MEGF11: variants seen among roughly 807,000 people sequenced by gnomAD.
MEGF11 encodes multiple EGF like domains 11.
A neutral mutation model predicts 146.6 loss-of-function variants in MEGF11; 126 were observed. The ratio of observed to expected loss-of-function variants is 0.86; its 90% CI spans 0.74 to 1.00. MEGF11 has a LOEUF of 1.00. MEGF11 is among the 50% of genes least tolerant of loss of function. The pLI is 0.00. For missense variants in MEGF11, 1,509 were observed against 1,521.2 expected, an observed-to-expected ratio of 0.99 and a Z score of 0.13; for synonymous variants, 532 against 583.4, an observed-to-expected ratio of 0.91 and a Z score of 1.27.
At chr15:65,972,838 A>C (rs544982383) in intron 7 of MEGF11, among the ~76,000 whole-genome samples, 4 of 152,334 alleles carry the variant, frequency 2.6e-5, no homozygotes, top group East Asian at 3.9e-4. Context: ...AGAATTACTC[A>C]AGAAAGCTGG....
At chr15:66,095,074 T>A (rs1414334141) in intron 4 of MEGF11, among the ~76,000 whole-genome samples, 1 of 152,144 alleles carries the variant, frequency 6.6e-6, no homozygotes, top group Non-Finnish European at 1.5e-5. Flanking sequence ...AGAAAGTAAT[T>A]AAGAGAGACA....
At chr15:66,089,111 C>A (rs1368301386) in intron 5 of MEGF11, among the ~76,000 whole-genome samples, 1 of 152,350 alleles carries the variant, frequency 6.6e-6, no homozygotes, top group Admixed American at 6.5e-5. Context: ...TATTTCTGAG[C>A]TGGTTAACAT....
intron 13 of MEGF11, among the ~76,000 whole-genome samples, chr15:65,925,035 C>A (rs534084375): frequency 3.9e-4 from 60 of 152,264 alleles, no homozygotes; most frequent in Non-Finnish European, 7.8e-4. Flanking sequence ...CACAGGGCCT[C>A]CAATTCCACT....
At chr15:66,231,412 C>T (rs1452282125) in intron 1 of MEGF11, among the ~76,000 whole-genome samples, 3 of 150,844 alleles carry the variant, frequency 2.0e-5, no homozygotes, top group South Asian at 4.2e-4. Flanking sequence ...GGGGTCAGAA[C>T]GGAAGTTGTC....
intron 1 of MEGF11, among the ~76,000 whole-genome samples, chr15:66,147,956 TGGAGCCATGCATG>T (rs1259624641): frequency 2.6e-5 from 4 of 152,192 alleles, no homozygotes; most frequent in Non-Finnish European, 5.9e-5. Flanking sequence ...ATGGACGATT[TGGAGCCATGCATG>T]GGAGCCATGC....
At chr15:66,183,254 C>T (rs1442427535) in intron 1 of MEGF11, among the ~76,000 whole-genome samples, 1 of 152,100 alleles carries the variant, frequency 6.6e-6, no homozygotes, top group African/African-American at 2.4e-5. Context: ...AATCCCAGCA[C>T]TTTGGGAGGC....
At chr15:66,138,859 C>T (rs1400934302) in intron 1 of MEGF11, among the ~76,000 whole-genome samples, 1 of 152,184 alleles carries the variant, frequency 6.6e-6, no homozygotes, top group Non-Finnish European at 1.5e-5. Flanking sequence ...CTGGGTTTGG[C>T]ATTGTCCTCT....
At chr15:66,059,504 G>A (rs2084812446) in intron 5 of MEGF11, among the ~76,000 whole-genome samples, 1 of 152,096 alleles carries the variant, frequency 6.6e-6, no homozygotes, top group Non-Finnish European at 1.5e-5. Flanking sequence ...TGGGGTGTGT[G>A]GCTTAATGAG....
chr15:66,023,142 A>AG, intron 5 of MEGF11, among the ~76,000 whole-genome samples: 1 of 150,824 alleles, frequency 6.6e-6, no homozygotes, highest in East Asian at 1.9e-4. Context: ...CTCCATCTCA[A>AG]AAAAAAAAAA....
intron 21 of MEGF11, among the ~76,000 whole-genome samples, chr15:65,911,630 C>A (rs2078810267): frequency 6.6e-6 from 1 of 152,232 alleles, no homozygotes; most frequent in Non-Finnish European, 1.5e-5. Flanking sequence ...CCAGGATGGT[C>A]TCAATATCTC....
At chr15:66,086,398 G>C (rs1431711461) in intron 5 of MEGF11, among the ~76,000 whole-genome samples, 1 of 152,186 alleles carries the variant, frequency 6.6e-6, no homozygotes, top group Non-Finnish European at 1.5e-5. Flanking sequence ...AGAATCTTAA[G>C]GGCTGTGAGA....
chr15:66,074,372 T>C (rs576941957), intron 5 of MEGF11, among the ~76,000 whole-genome samples: 5 of 152,380 alleles, frequency 3.3e-5, no homozygotes, highest in Admixed American at 6.5e-5. Flanking sequence ...TTTTAACTGC[T>C]GTGGAGACTC....
chr15:66,170,440 A>T (rs2090218392), intron 1 of MEGF11, among the ~76,000 whole-genome samples: 2 of 152,212 alleles, frequency 1.3e-5, no homozygotes, highest in South Asian at 4.1e-4. Flanking sequence ...CTTACAGGGA[A>T]GTCTACAGGG....
chr15:66,096,966 T>A (rs909649385), intron 4 of MEGF11, among the ~76,000 whole-genome samples: 1 of 152,130 alleles, frequency 6.6e-6, no homozygotes, highest in African/African-American at 2.4e-5. Flanking sequence ...CAGTCCTGTA[T>A]CCAGCCCCTA....
At chr15:66,016,485 T>A (rs976847879) in intron 5 of MEGF11, among the ~76,000 whole-genome samples, 1 of 150,680 alleles carries the variant, frequency 6.6e-6, no homozygotes, top group Non-Finnish European at 1.5e-5. Context: ...TTCAGTTTTT[T>A]TTTTTTTTTT....
chr15:66,011,928 T>C (rs1314786695), intron 5 of MEGF11, among the ~76,000 whole-genome samples: 1 of 152,076 alleles, frequency 6.6e-6, no homozygotes, highest in East Asian at 1.9e-4. Context: ...GGTAAGATGA[T>C]GTATGCATGT....
chr15:65,987,283 G>A (rs976693294), intron 5 of MEGF11, among the ~76,000 whole-genome samples: 15 of 151,908 alleles, frequency 9.9e-5, no homozygotes, highest in Non-Finnish European at 1.8e-4. Flanking sequence ...AGATGGACAC[G>A]GTATGCTGGC....
chr15:66,094,270 T>C, intron 5 of MEGF11, 132 bp downstream of exon 5: 1 of 632,980 alleles, frequency 1.6e-6, no homozygotes, highest in Non-Finnish European at 2.8e-6. Flanking sequence ...CTCCCTGATG[T>C]TCACACAGGC....
intron 4 of MEGF11, among the ~76,000 whole-genome samples, chr15:66,097,201 T>C (rs559346734): frequency 1.3e-5 from 2 of 152,316 alleles, no homozygotes; most frequent in East Asian, 3.9e-4. Flanking sequence ...TGATAGCAAA[T>C]ACCCGAGGCT....
Sources: gnomAD v4.1 joint callset for allele counts (sites outside exome capture counted in the v4.1 genomes callset) on GRCh38, gnomAD v4.1.1 for gene constraint, MANE v1.5 for transcripts, NCBI Gene and HGNC (gene_info 2026-07-23, HGNC 2026-07-21) for gene names.